Variants in KIF16B observed in about 807,000 individuals in gnomAD.
The protein encoded by KIF16B is kinesin family member 16B, also known as kinesin-like protein KIF16B.
In KIF16B, 98 loss-of-function variants were observed where a neutral mutation model predicts 156.3. The observed-to-expected ratio is 0.63, with a 90% CI of 0.53 to 0.74. KIF16B has a LOEUF of 0.74. KIF16B is among the 30% of genes least tolerant of loss of function. KIF16B has a pLI of 0.00. For missense variants in KIF16B, 1,421 were observed against 1,606.5 expected (o/e 0.88, Z 1.97); for synonymous variants, 564 against 583.7 (o/e 0.97, Z 0.49).
At chr20:16,521,689 G>A (rs1366209752) in intron 3 of KIF16B, among the ~76,000 whole-genome samples, 2 of 151,980 alleles carry the variant, frequency 1.3e-5, no homozygotes, top group African/African-American at 2.4e-5. Flanking sequence ...AATACTCCTC[G>A]AGTAGAGCAA....
At chr20:16,440,231 C>T (rs906310896) in intron 12 of KIF16B, among the ~76,000 whole-genome samples, 4 of 152,068 alleles carry the variant, frequency 2.6e-5, no homozygotes, top group African/African-American at 9.7e-5. Context: ...AGGCCAAGAC[C>T]GTCTCTTATC....
At chr20:16,301,215 C>T (rs2063467057) in intron 25 of KIF16B, among the ~76,000 whole-genome samples, 1 of 152,198 alleles carries the variant, frequency 6.6e-6, no homozygotes, top group African/African-American at 2.4e-5. Context: ...GGATGTACCA[C>T]AGTTTATTTA....
chr20:16,326,671 A>T (rs2063855914), intron 24 of KIF16B, among the ~76,000 whole-genome samples: 1 of 152,172 alleles, frequency 6.6e-6, no homozygotes, highest in East Asian at 1.9e-4. Flanking sequence ...TCAAAAAAAT[A>T]AAAGATGTTG....
intron 25 of KIF16B, among the ~76,000 whole-genome samples, chr20:16,310,990 C>A (rs181666829): frequency 5.3e-5 from 8 of 152,322 alleles, no homozygotes; most frequent in Admixed American, 1.3e-4. Context: ...TCTGCTCTCA[C>A]GGGAACCTCC....
chr20:16,489,758 T>G (rs2068230358), intron 12 of KIF16B, among the ~76,000 whole-genome samples: 1 of 139,048 alleles, frequency 7.2e-6, no homozygotes, highest in South Asian at 2.2e-4. Context: ...CTGGGGATCT[T>G]ATAAAATACG....
At chr20:16,437,906 G>A (rs1035464517) in intron 12 of KIF16B, among the ~76,000 whole-genome samples, 1 of 151,814 alleles carries the variant, frequency 6.6e-6, no homozygotes, top group Non-Finnish European at 1.5e-5. Flanking sequence ...GCTGAGATGG[G>A]CGGATCACTT....
chr20:16,365,951 T>G (rs1190334741), intron 22 of KIF16B, among the ~76,000 whole-genome samples: 1 of 152,082 alleles, frequency 6.6e-6, no homozygotes, highest in Non-Finnish European at 1.5e-5. Flanking sequence ...GTCTCCTTCC[T>G]TCTGAGAACT....
intron 1 of KIF16B, among the ~76,000 whole-genome samples, chr20:16,541,908 T>G (rs117618156): frequency 0.034 from 5,210 of 152,314 alleles, 123 homozygotes; most frequent in Non-Finnish European, 0.049. Context: ...AATCAGGGAC[T>G]GTGGGCTGCG....
intron 12 of KIF16B, among the ~76,000 whole-genome samples, chr20:16,488,080 C>T (rs1048897694): frequency 6.6e-6 from 1 of 152,158 alleles, no homozygotes; most frequent in Non-Finnish European, 1.5e-5. Context: ...AGTCAAAAGC[C>T]CTGTGCAGGC....
chr20:16,407,123 G>T (rs1480856572), intron 15 of KIF16B, among the ~76,000 whole-genome samples: 1 of 152,134 alleles, frequency 6.6e-6, no homozygotes, highest in African/African-American at 2.4e-5. Context: ...ATAATTCAAG[G>T]GAAATGCCCA....
intron 25 of KIF16B, among the ~76,000 whole-genome samples, chr20:16,290,847 T>A (rs373576008): frequency 7.0e-4 from 106 of 152,248 alleles, no homozygotes; most frequent in African/African-American, 2.4e-3. Flanking sequence ...AAAAGCCAGA[T>A]CAAAACTTCT....
At chr20:16,338,044 C>T (rs181080304) in intron 23 of KIF16B, among the ~76,000 whole-genome samples, 1 of 152,244 alleles carries the variant, frequency 6.6e-6, no homozygotes, top group Admixed American at 6.5e-5. Flanking sequence ...ATGTTCCTGG[C>T]TCTCCTTCCT....
chr20:16,333,911 T>C (rs983452709), intron 24 of KIF16B, among the ~76,000 whole-genome samples: 2 of 152,206 alleles, frequency 1.3e-5, no homozygotes, highest in African/African-American at 2.4e-5. Flanking sequence ...CTAATTTTCA[T>C]ATAAGGCATG....
rs113928100 is a variant in KIF16B, at chr20:16,533,233, C to T, written c.48-4793G>A. On this transcript the variant is annotated intron_variant, in intron 1 of 25. Transcript: ENST00000354981. ...GGGTCTACCACATTCCTCAGTTTCT[C>T]AAAGAGTTCCATCACCCCAAAAGAT... Among the ~76,000 whole-genome samples, 885 of 152,226 alleles carry T rather than the reference C, an allele frequency of 5.8e-3. 12 individuals carry two copies. Among genetic ancestry groups the T allele is most frequent in the African/African-American group, 0.02 (838 of 41,540 alleles).
intron 1 of KIF16B, among the ~76,000 whole-genome samples, chr20:16,572,500 A>C (rs1385652096): frequency 6.6e-6 from 1 of 152,248 alleles, no homozygotes; most frequent in African/African-American, 2.4e-5. Context: ...AACTTTTCCA[A>C]AGAAACTTTC....
At chr20:16,288,240 T>TA (rs2063255346) in intron 25 of KIF16B, among the ~76,000 whole-genome samples, 1 of 152,218 alleles carries the variant, frequency 6.6e-6, no homozygotes, top group African/African-American at 2.4e-5. Flanking sequence ...TGGTTTGAAG[T>TA]AAGCCCCTTA....
chr20:16,399,838 C>T (rs1418319494), intron 17 of KIF16B, among the ~76,000 whole-genome samples: 1 of 152,212 alleles, frequency 6.6e-6, no homozygotes, highest in Non-Finnish European at 1.5e-5. Flanking sequence ...TTCATTACAT[C>T]CCATATCCAA....
intron 23 of KIF16B, among the ~76,000 whole-genome samples, chr20:16,340,609 G>A (rs1718271440): frequency 6.6e-6 from 1 of 152,172 alleles, no homozygotes; most frequent in African/African-American, 2.4e-5. Flanking sequence ...AAATCTCTCT[G>A]TGCAGGCCTC....
At chr20:16,389,952 C>T (rs1218950652) in intron 17 of KIF16B, among the ~76,000 whole-genome samples, 1 of 152,162 alleles carries the variant, frequency 6.6e-6, no homozygotes, top group Non-Finnish European at 1.5e-5. Context: ...TACTCACTCC[C>T]ACTCACCCTT....
Sources: gnomAD v4.1 joint callset for allele counts (sites outside exome capture counted in the v4.1 genomes callset) on GRCh38, gnomAD v4.1.1 for gene constraint, MANE v1.5 for transcripts, NCBI Gene and HGNC (gene_info 2026-07-23, HGNC 2026-07-21) for gene names.